Variants in GNG7 observed in about 807,000 individuals in gnomAD.
GNG7 encodes the protein G protein subunit gamma 7.
A neutral mutation model predicts 4.0 loss-of-function variants in GNG7; 1 was observed. The observed-to-expected ratio is 0.25, with a 90% CI of 0.09 to 1.18. The LOEUF (loss-of-function observed/expected upper bound fraction) is 1.18, where lower values mean the gene tolerates loss of function less well. GNG7 is among the 50% of genes most tolerant of loss of function. The pLI, the probability that GNG7 is intolerant of heterozygous loss-of-function variation, is 0.50. For synonymous variants in GNG7, 34 were observed against 36.9 expected (o/e 0.92, Z 0.29); for missense variants, 86 against 91.9 (o/e 0.94, Z 0.26).
chr19:2,680,905 C>T (rs1983715646), intron 1 of GNG7, among the ~76,000 whole-genome samples: 1 of 151,848 alleles, frequency 6.6e-6, no homozygotes, highest in African/African-American at 2.4e-5. Flanking sequence ...CCCGAGCTCG[C>T]ATGAGGGTCC....
chr19:2,624,215 T>C (rs1215141543), intron 2 of GNG7, among the ~76,000 whole-genome samples: 1 of 151,818 alleles, frequency 6.6e-6, no homozygotes, highest in Non-Finnish European at 1.5e-5. Flanking sequence ...CTATGTTTCA[T>C]ATATTTTACC....
chr19:2,518,942 C>A (rs1978294649), intron 4 of GNG7, among the ~76,000 whole-genome samples: 1 of 151,638 alleles, frequency 6.6e-6, no homozygotes, highest in Non-Finnish European at 1.5e-5. Flanking sequence ...ACTATAGGAG[C>A]CTGCCACCAC....
At chr19:2,515,937 AGGTGC>A (rs1219444245) in intron 4 of GNG7, among the ~76,000 whole-genome samples, 1 of 151,664 alleles carries the variant, frequency 6.6e-6, no homozygotes, top group Admixed American at 6.6e-5. Context: ...TGTCTTGGCC[AGGTGC>A]GGTGGCTCAC....
At chr19:2,520,976 C>T (rs563386922) in intron 3 of GNG7, among the ~76,000 whole-genome samples, 24 of 152,074 alleles carry the variant, frequency 1.6e-4, no homozygotes, top group Non-Finnish European at 3.1e-4. Flanking sequence ...CGAAGGCAGG[C>T]TGGGCGTGGT....
chr19:2,600,515 A>G (rs1260418593), intron 2 of GNG7, among the ~76,000 whole-genome samples: 1 of 142,880 alleles, frequency 7.0e-6, no homozygotes, highest in African/African-American at 2.6e-5. Flanking sequence ...TCTGTCACCC[A>G]GGCTGGAGTG....
intron 1 of GNG7, among the ~76,000 whole-genome samples, chr19:2,701,426 C>T (rs1157977527): frequency 6.7e-6 from 1 of 149,740 alleles, no homozygotes; most frequent in African/African-American, 2.5e-5. Context: ...TCTCCCTGAA[C>T]CCCCTTCCAC....
chr19:2,665,217 T>A (rs1451993339), intron 1 of GNG7, among the ~76,000 whole-genome samples: 1 of 152,178 alleles, frequency 6.6e-6, no homozygotes, highest in African/African-American at 2.4e-5. Flanking sequence ...CGGTGGACAC[T>A]GGGGCTGTAC....
intron 2 of GNG7, among the ~76,000 whole-genome samples, chr19:2,603,763 G>T (rs1468518921): frequency 6.6e-6 from 1 of 152,122 alleles, no homozygotes; most frequent in Non-Finnish European, 1.5e-5. Context: ...AGCTGGAAAG[G>T]ATTTCAGAGA....
intron 2 of GNG7, among the ~76,000 whole-genome samples, chr19:2,578,888 C>T (rs1203892915): frequency 6.6e-6 from 1 of 152,226 alleles, no homozygotes; most frequent in Non-Finnish European, 1.5e-5. Flanking sequence ...AAACCCCTGG[C>T]TCCCGGCCCC....
intron 2 of GNG7, among the ~76,000 whole-genome samples, chr19:2,639,289 G>T (rs1022462460): frequency 6.6e-6 from 1 of 151,932 alleles, no homozygotes; most frequent in Admixed American, 6.6e-5. Context: ...CAAAAGACAC[G>T]CTCAGGAAAA....
intron 3 of GNG7, among the ~76,000 whole-genome samples, chr19:2,534,374 T>A (rs1169741560): frequency 6.6e-6 from 1 of 152,158 alleles, no homozygotes; most frequent in Non-Finnish European, 1.5e-5. Context: ...TTGAATCTGT[T>A]CCTCCCCTAC....
chr19:2,627,999 A>G (rs1982062574), intron 2 of GNG7, among the ~76,000 whole-genome samples: 1 of 152,232 alleles, frequency 6.6e-6, no homozygotes, highest in African/African-American at 2.4e-5. Flanking sequence ...AGTTAATGTG[A>G]TGATCACAAC....
chr19:2,634,956 G>A lies in GNG7; in HGVS notation c.-78+11268C>T, dbSNP rs1026845324. 5.9e-5 allele frequency among the ~76,000 whole-genome samples: 9 copies of A among 152,088 alleles called. No individual in the cohort carries two copies. Among genetic ancestry groups the A allele is most frequent in the Admixed American group, 3.9e-4 (6 of 15,280 alleles). On this transcript the variant is annotated intron_variant, in intron 2 of 4. Coordinates refer to ENST00000382159, the MANE Select transcript of GNG7 (RefSeq NM_052847.3). The surrounding 1 kb of genome is among the most constrained non-coding windows in gnomAD (Gnocchi z 5.3). ...AAACACACTCGGTGATCTGGAGGTC[G>A]CAAAGTTCTTCCGCACTCAGTGAGG... is the stretch of plus-strand genomic sequence containing the variant.
At chr19:2,529,402 G>A (rs1470144049) in intron 3 of GNG7, among the ~76,000 whole-genome samples, 5 of 151,742 alleles carry the variant, frequency 3.3e-5, no homozygotes, top group Non-Finnish European at 7.4e-5. Flanking sequence ...ATTTTTAGTG[G>A]AGACAGGGTT....
In GNG7 at chr19:2,557,222, CAT is replaced by C. The variant is rs1476506226; in HGVS notation, c.-77-2036_-77-2035del. Among the ~76,000 whole-genome samples the C allele has an allele frequency of 1.3e-5, 2 of 150,388 alleles. No individual in the cohort carries two copies. Among genetic ancestry groups the C allele is most frequent in the African/African-American group, 2.5e-5 (1 of 40,022 alleles). ...ACATTTGCATGCACACACAGACACA[CAT>C]GCACACACAGACGCACATGTGCACA... On this transcript the variant is annotated intron_variant, in intron 2 of 4. Coordinates refer to ENST00000382159, the MANE Select transcript of GNG7 (RefSeq NM_052847.3). This position sits in a 1 kb window ranked among gnomAD's most constrained non-coding sequence, Gnocchi z 5.1.
In GNG7 at chr19:2,680,308, C is replaced by G. The variant is rs989532758; in HGVS notation, c.-135+22338G>C. 3.6e-4 allele frequency among the ~76,000 whole-genome samples: 55 copies of G among 151,818 alleles called. 1 individual carries two copies. Among genetic ancestry groups the G allele is most frequent in the Non-Finnish European group, 7.9e-4 (54 of 67,994 alleles). On this transcript the variant is annotated intron_variant, in intron 1 of 4. Transcript: ENST00000382159. ...GGGATAACAGGCACCCGCCACCATG[C>G]CTGGCCAATTTTAGTATTTTTAGTA... is the stretch of plus-strand genomic sequence containing the variant.
At chr19:2,574,677 G>C (rs529578539) in intron 2 of GNG7, among the ~76,000 whole-genome samples, 2 of 152,334 alleles carry the variant, frequency 1.3e-5, no homozygotes, top group East Asian at 3.9e-4. Flanking sequence ...TCATGCCGCT[G>C]TGCACTTGTG....
intron 3 of GNG7, among the ~76,000 whole-genome samples, chr19:2,544,777 T>A (rs1007465374): frequency 6.6e-6 from 1 of 151,498 alleles, no homozygotes; most frequent in African/African-American, 2.4e-5. Flanking sequence ...GTTGTCGGGG[T>A]TGGGGGAGCT....
At chr19:2,588,538 G>A (rs990534170) in intron 2 of GNG7, among the ~76,000 whole-genome samples, 6 of 152,224 alleles carry the variant, frequency 3.9e-5, no homozygotes, top group African/African-American at 1.4e-4. Flanking sequence ...GGAGCCCAGG[G>A]CGGCGGCAGC....
Sources: gnomAD v4.1 joint callset for allele counts (sites outside exome capture counted in the v4.1 genomes callset) on GRCh38, gnomAD v4.1.1 for gene constraint, Gnocchi (gnomAD v3.1) non-coding constraint, MANE v1.5 for transcripts, NCBI Gene and HGNC (gene_info 2026-07-23, HGNC 2026-07-21) for gene names.